Variants in CPQ observed in about 807,000 individuals in gnomAD.
CPQ encodes the protein carboxypeptidase Q, also known as Ser-Met dipeptidase.
A neutral mutation model predicts 45.7 loss-of-function variants in CPQ; 37 were observed. That is an observed-to-expected ratio of 0.81 (90% CI 0.62 to 1.07). The LOEUF (loss-of-function observed/expected upper bound fraction) is 1.07. Among genes scored for constraint, CPQ ranks in the 50% least tolerant of loss-of-function variants. The pLI, the probability that CPQ is intolerant of heterozygous loss-of-function variation, is 0.00. For synonymous variants in CPQ, 186 were observed against 205.8 expected, an observed-to-expected ratio of 0.90 and a Z score of 0.82; for missense variants, 537 against 572.9, an observed-to-expected ratio of 0.94 and a Z score of 0.64.
At chr8:96,941,858 C>T (rs1813126969) in intron 4 of CPQ, among the ~76,000 whole-genome samples, 1 of 152,150 alleles carries the variant, frequency 6.6e-6, no homozygotes, top group African/African-American at 2.4e-5. Context: ...GTCCTATTGT[C>T]ATAACCATGA....
At chr8:96,707,060 G>T (rs865876089) in intron 1 of CPQ, among the ~76,000 whole-genome samples, 5 of 151,916 alleles carry the variant, frequency 3.3e-5, no homozygotes, top group Admixed American at 2.0e-4. Flanking sequence ...TTTTCTCCTG[G>T]CAACATATAG....
chr8:96,677,041 G>A (rs112911568), intron 1 of CPQ, among the ~76,000 whole-genome samples: 3,688 of 152,006 alleles, frequency 0.024, 164 homozygotes, highest in African/African-American at 0.084. Flanking sequence ...TCCATGGTCT[G>A]TATCTACCAC....
intron 4 of CPQ, among the ~76,000 whole-genome samples, chr8:96,941,424 T>G (rs1300389907): frequency 6.6e-6 from 1 of 152,170 alleles, no homozygotes; most frequent in Non-Finnish European, 1.5e-5. Flanking sequence ...CTGGCTTGCA[T>G]GTAAATCAGC....
intron 4 of CPQ, among the ~76,000 whole-genome samples, chr8:96,905,752 G>C (rs947391171): frequency 2.6e-5 from 3 of 114,620 alleles, no homozygotes; most frequent in Non-Finnish European, 5.2e-5. Flanking sequence ...ATTCAGCCCT[G>C]TCTTAACCAA....
intron 6 of CPQ, among the ~76,000 whole-genome samples, chr8:97,031,238 G>A (rs1003626329): frequency 6.8e-6 from 1 of 146,500 alleles, no homozygotes; most frequent in Non-Finnish European, 1.5e-5. Context: ...CCAGGCTGGA[G>A]TGGAGTGGCA....
intron 1 of CPQ, among the ~76,000 whole-genome samples, chr8:96,758,427 G>A (rs1302918482): frequency 6.6e-6 from 1 of 152,106 alleles, no homozygotes; most frequent in Non-Finnish European, 1.5e-5. Context: ...TGTGATGTAT[G>A]GTCTAAAACT....
chr8:96,971,329 T>G (rs1813675443), intron 5 of CPQ, among the ~76,000 whole-genome samples: 1 of 152,238 alleles, frequency 6.6e-6, no homozygotes, highest in African/African-American at 2.4e-5. Context: ...TCCACCCAAG[T>G]GCAAACTCTA....
rs372650907 is a variant in CPQ at position 96,785,243 on chromosome 8, G to C, written c.346G>C (p.Gly116Arg). 7 of 1,613,446 alleles carry C rather than the reference G, an allele frequency of 4.3e-6. No homozygotes were observed. The highest frequency in any genetic ancestry group is 5.9e-6 in the Non-Finnish European group (7 of 1,179,764). ...EPVRIPHWER[G>R]EESAVMLEPR... ...AGTGAGAATACCCCACTGGGAGAGG[G>C]GAGAAGAATCAGCTGTGATGCTGGA... The change falls in exon 2 of 8, where the codon GGA becomes CGA. Residue 116 changes from glycine (G) to arginine (R), a missense_variant. Gly to Arg is a moderately radical substitution (Grantham distance 125). Coordinates refer to ENST00000220763, the MANE Select transcript of CPQ (RefSeq NM_016134.4).
chr8:97,035,732 G>A (rs1809991274), intron 6 of CPQ, among the ~76,000 whole-genome samples: 1 of 152,024 alleles, frequency 6.6e-6, no homozygotes, highest in Admixed American at 6.5e-5. Flanking sequence ...ATTTGAGACA[G>A]AGTCTCGCTC....
chr8:97,133,741 T>C (rs1383109039), intron 7 of CPQ, among the ~76,000 whole-genome samples: 1 of 152,212 alleles, frequency 6.6e-6, no homozygotes, highest in Admixed American at 6.5e-5. Flanking sequence ...TTCATCTCTT[T>C]TAGACATCTT....
intron 4 of CPQ, among the ~76,000 whole-genome samples, chr8:96,925,613 C>T (rs1211317602): frequency 6.6e-6 from 1 of 152,080 alleles, no homozygotes; most frequent in Non-Finnish European, 1.5e-5. Context: ...GACCTCCTGA[C>T]CTCAAGTGAT....
At chr8:96,679,517 G>A (rs960641016) in intron 1 of CPQ, among the ~76,000 whole-genome samples, 1 of 151,964 alleles carries the variant, frequency 6.6e-6, no homozygotes, top group South Asian at 2.1e-4. Flanking sequence ...TTCTTCATGA[G>A]TTTAGTAGAA....
In CPQ at chr8:97,019,321, CA is replaced by C. The variant is rs1196667863; in HGVS notation, c.962-10076del. Among the ~76,000 whole-genome samples the C allele has an allele frequency of 1.3e-4, 20 of 152,036 alleles. 1 individual carries two copies. In the East Asian group the frequency reaches 3.7e-3, roughly 28 times the overall value. On this transcript the variant is annotated intron_variant, in intron 5 of 7. Transcript: ENST00000220763. Reference sequence around the variant, plus strand: ...AAAAATACAATTTAAAAACAAAAAGCAAAAAACCAAAGTATACAGGCAACAA... The same window carrying C: ...AAAAATACAATTTAAAAACAAAAAGCAAAAACCAAAGTATACAGGCAACAA...
chr8:96,886,361 A>G (rs969751331), intron 4 of CPQ, among the ~76,000 whole-genome samples: 2 of 152,154 alleles, frequency 1.3e-5, no homozygotes, highest in African/African-American at 4.8e-5. Flanking sequence ...GGTGAAAATG[A>G]GCGCTTTTTG....
At chr8:96,938,243 T>G (rs1813079581) in intron 4 of CPQ, among the ~76,000 whole-genome samples, 1 of 152,096 alleles carries the variant, frequency 6.6e-6, no homozygotes, top group Admixed American at 6.6e-5. Flanking sequence ...CAAATTAGAA[T>G]AATTTAGACC....
At chr8:96,682,112 G>A (rs982720709) in intron 1 of CPQ, among the ~76,000 whole-genome samples, 1 of 152,174 alleles carries the variant, frequency 6.6e-6, no homozygotes, top group Admixed American at 6.5e-5. Context: ...TTGGGGGACT[G>A]TTGGGAAGGC....
intron 7 of CPQ, among the ~76,000 whole-genome samples, chr8:97,100,564 G>A (rs970058932): frequency 5.9e-5 from 9 of 152,072 alleles, no homozygotes; most frequent in East Asian, 1.9e-4. Flanking sequence ...TCCTAGCTTC[G>A]TCATTTATTC....
At chr8:96,864,913 A>T (rs115378750) in intron 3 of CPQ, among the ~76,000 whole-genome samples, 2,371 of 152,080 alleles carry the variant, frequency 0.016, 60 homozygotes, top group African/African-American at 0.051. Flanking sequence ...TTTCATTCCT[A>T]GCTGTGTGAT....
intron 1 of CPQ, among the ~76,000 whole-genome samples, chr8:96,721,856 C>T (rs1809767977): frequency 6.6e-6 from 1 of 152,156 alleles, no homozygotes; most frequent in Admixed American, 6.5e-5. Context: ...AGTGGTTTTA[C>T]TTGCCTCCTT....
Sources: allele counts gnomAD v4.1 joint callset (sites outside exome capture counted in the v4.1 genomes callset), GRCh38; gene constraint gnomAD v4.1.1; transcripts MANE v1.5; gene names NCBI Gene and HGNC (gene_info 2026-07-23, HGNC 2026-07-21).